Variants in DCLK2 observed in about 807,000 individuals in gnomAD.
DCLK2 encodes the protein doublecortin like kinase 2, also known as serine/threonine-protein kinase DCLK2.
DCLK2 carries 31 observed loss-of-function variants against 78.4 expected under a neutral mutation model. That is an observed-to-expected ratio of 0.40 (90% CI 0.30 to 0.53). DCLK2 has a LOEUF of 0.53. Ranked by LOEUF, DCLK2 falls within the 20% of genes least tolerant of loss-of-function variation. The pLI is 0.61. For missense variants in DCLK2, 872 were observed against 973.7 expected (o/e 0.90, Z 1.39); for synonymous variants, 407 against 374.9 (o/e 1.09, Z -0.99).
At chr4:150,079,657 TAAA>T (rs899800851) in intron 1 of DCLK2, among the ~76,000 whole-genome samples, 13 of 152,344 alleles carry the variant, frequency 8.5e-5, no homozygotes, top group African/African-American at 2.9e-4. Context: ...GTTTGTCTCT[TAAA>T]GAAGGAAAAA....
At chr4:150,227,179 C>G (rs994682340) in intron 8 of DCLK2, among the ~76,000 whole-genome samples, 1 of 152,190 alleles carries the variant, frequency 6.6e-6, no homozygotes, top group African/African-American at 2.4e-5. Context: ...ATTGGCTGAT[C>G]TACTGTGTTC....
intron 10 of DCLK2, among the ~76,000 whole-genome samples, chr4:150,235,930 TA>T (rs1394509535): frequency 6.6e-6 from 1 of 152,176 alleles, no homozygotes; most frequent in African/African-American, 2.4e-5. Flanking sequence ...GGGTGGCCGT[TA>T]ATGCTGTGAG....
At chr4:150,179,932 A>G (rs1023084013) in intron 2 of DCLK2, among the ~76,000 whole-genome samples, 6 of 114,622 alleles carry the variant, frequency 5.2e-5, no homozygotes, top group African/African-American at 2.0e-4. Flanking sequence ...ACCTTATGAT[A>G]TTACTTAGAA....
intron 12 of DCLK2, among the ~76,000 whole-genome samples, chr4:150,244,449 A>T (rs114717144): frequency 6.6e-6 from 1 of 152,362 alleles, no homozygotes; most frequent in African/African-American, 2.4e-5. Flanking sequence ...CATTTGGGAA[A>T]TAGCTTACAA....
At chr4:150,237,056 A>G (rs1256276938) in intron 10 of DCLK2, among the ~76,000 whole-genome samples, 1 of 151,992 alleles carries the variant, frequency 6.6e-6, no homozygotes, top group Non-Finnish European at 1.5e-5. Flanking sequence ...ATTGTACCTA[A>G]TGAGTATATT....
At chr4:150,143,518 G>A (rs1296846924) in intron 2 of DCLK2, among the ~76,000 whole-genome samples, 1 of 152,132 alleles carries the variant, frequency 6.6e-6, no homozygotes, top group Admixed American at 6.5e-5. Flanking sequence ...ACATGTAAAT[G>A]CAGGTGCCTT....
At chr4:150,149,053 A>G (rs971903670) in intron 2 of DCLK2, among the ~76,000 whole-genome samples, 49 of 150,400 alleles carry the variant, frequency 3.3e-4, no homozygotes, top group South Asian at 8.4e-4. Context: ...AAAAAAAAAA[A>G]AAAGAAAGAA....
intron 5 of DCLK2, among the ~76,000 whole-genome samples, chr4:150,218,109 G>A (rs1451967719): frequency 2.1e-5 from 1 of 46,810 alleles, no homozygotes; most frequent in Non-Finnish European, 4.9e-5. Context: ...CCCACAACGA[G>A]GCCCCCTGTT....
Position 150,078,792 on chromosome 4 carries a change from C to G in DCLK2, c.-236C>G. On this transcript the variant is annotated 5_prime_UTR_variant, in exon 1 of 16. Coordinates refer to ENST00000296550, the MANE Select transcript of DCLK2 (RefSeq NM_001040260.4). ...TCCCCGGCAGGCGGGAGGCACGGAG[C>G]AAGTCGCACTGGACAATGACCTGGG... 1 of 400,694 alleles carries G rather than the reference C, an allele frequency of 2.5e-6. No homozygotes were observed. Among genetic ancestry groups the G allele is most frequent in the South Asian group, 1.0e-4 (1 of 9,820 alleles). 24.8% of individuals were successfully genotyped at this position (400,694 alleles called of 1,614,324 possible). A position where few individuals can be genotyped will look rare whatever the true frequency, so the allele number is the denominator to read the frequency against.
Position 150,256,085 on chromosome 4 carries a change from TG to T in DCLK2, c.2142del (p.Met715TrpfsTer185). 5.0e-6 allele frequency: 8 copies of T among 1,612,674 alleles called. No homozygotes were observed. The highest frequency in any genetic ancestry group is 6.8e-6 in the Non-Finnish European group (8 of 1,179,836). ...AGCACTGTCAAGACAGCGGCAGGCC[TG>T]GGATGGAGCCCATCTCTCCAGTTCC... Reference protein sequence around the residue: ...SKHCQDSGRPGMEPISPVPPS... With the variant: ...SKHCQDSGRPXMEPISPVPPS... On this transcript the variant is annotated frameshift_variant, in exon 16 of 16. Coordinates refer to ENST00000296550, the MANE Select transcript of DCLK2 (RefSeq NM_001040260.4). LOFTEE classifies it low-confidence loss of function (END_TRUNC).
rs533290769 is a variant in DCLK2, at chr4:150,118,094, A to C, written c.756+15282A>C. On this transcript the variant is annotated intron_variant, in intron 2 of 15. Transcript: ENST00000296550. ...TCATCCCCAGGAAGTGTGATTCTGG[A>C]CCCTACACTCTTCCTGGCTGTCCTG... Among the ~76,000 whole-genome samples the C allele has an allele frequency of 8.6e-5, 13 of 151,996 alleles. No homozygotes were observed. The South Asian group carries it at 2.7e-3, about 32-fold the overall frequency.
chr4:150,242,380 C>T (rs142122982), intron 12 of DCLK2, among the ~76,000 whole-genome samples: 1 of 152,340 alleles, frequency 6.6e-6, no homozygotes, highest in East Asian at 1.9e-4. Context: ...TGGCCGTCAA[C>T]ATCGTGGTCT....
chr4:150,082,328 T>C (rs563267520), intron 1 of DCLK2, among the ~76,000 whole-genome samples: 1 of 152,366 alleles, frequency 6.6e-6, no homozygotes, highest in Non-Finnish European at 1.5e-5. Flanking sequence ...GGTATGTTTT[T>C]TTCTGAAATG....
chr4:150,110,798 CT>C (rs1281949057), intron 2 of DCLK2, among the ~76,000 whole-genome samples: 6 of 152,144 alleles, frequency 3.9e-5, no homozygotes, highest in Non-Finnish European at 8.8e-5. Context: ...ATCCAGGTTG[CT>C]GCAGAAGATA....
At chr4:150,248,590 G>A (rs563937362) in intron 14 of DCLK2, among the ~76,000 whole-genome samples, 11 of 152,316 alleles carry the variant, frequency 7.2e-5, no homozygotes, top group African/African-American at 2.4e-4. Context: ...CCTGCCCCGC[G>A]AGTCACCTGG....
intron 2 of DCLK2, among the ~76,000 whole-genome samples, chr4:150,156,389 A>T (rs1473952516): frequency 6.6e-6 from 1 of 151,994 alleles, no homozygotes; most frequent in Non-Finnish European, 1.5e-5. Context: ...GCTCACGCCT[A>T]TAATCTTAGC....
intron 10 of DCLK2, among the ~76,000 whole-genome samples, chr4:150,234,611 CT>C (rs1742338175): frequency 6.6e-6 from 1 of 152,112 alleles, no homozygotes; most frequent in Non-Finnish European, 1.5e-5. Flanking sequence ...CCCGTCTTTT[CT>C]TTTTGGTAAT....
rs539857639 is a variant in DCLK2, at chr4:150,150,794, G to A, written c.757-42344G>A. The stretch of plus-strand genomic sequence containing the variant: ...AGTTACTTGCACCTTGGCTTTTGTT[G>A]CCTTGTGAACTGCTGGCAATTAATG... On this transcript the variant is annotated intron_variant, in intron 2 of 15. Coordinates refer to ENST00000296550, the MANE Select transcript of DCLK2 (RefSeq NM_001040260.4). Among the ~76,000 whole-genome samples, 5 of 152,320 alleles carry A rather than the reference G, an allele frequency of 3.3e-5. No individual in the cohort carries two copies. The South Asian group carries it at 1.0e-3, about 32-fold the overall frequency.
chr4:150,115,851 G>A (rs973606882), intron 2 of DCLK2, among the ~76,000 whole-genome samples: 3 of 152,166 alleles, frequency 2.0e-5, no homozygotes, highest in Admixed American at 2.0e-4. Flanking sequence ...AGTATCCATG[G>A]TTAAAAACCG....
Sources: allele counts gnomAD v4.1 joint callset (sites outside exome capture counted in the v4.1 genomes callset), GRCh38; gene constraint gnomAD v4.1.1; transcripts MANE v1.5; gene names NCBI Gene and HGNC (gene_info 2026-07-23, HGNC 2026-07-21).